GPHN: variants seen among roughly 807,000 people sequenced by gnomAD.
GPHN encodes gephyrin.
GPHN carries 17 observed loss-of-function variants against 95.5 expected under a neutral mutation model. The ratio of observed to expected loss-of-function variants is 0.18; its 90% confidence interval spans 0.12 to 0.27. GPHN has a LOEUF of 0.27. GPHN is among the 10% of genes least tolerant of loss of function. The pLI, the probability that GPHN is intolerant of heterozygous loss-of-function variation, is 1.00. For synonymous variants in GPHN, 320 were observed against 322.5 expected (o/e 0.99, Z 0.08); for missense variants, 660 against 978.1 (o/e 0.67, Z 4.34).
chr14:66,547,686 C>T (rs2059652276), intron 1 of GPHN, among the ~76,000 whole-genome samples: 1 of 152,198 alleles, frequency 6.6e-6, no homozygotes, highest in Non-Finnish European at 1.5e-5. Flanking sequence ...ATCAGTTCGT[C>T]TTAACAGACA....
intron 1 of GPHN, among the ~76,000 whole-genome samples, chr14:66,536,140 G>C (rs2059133743): frequency 1.3e-5 from 2 of 152,170 alleles, no homozygotes; most frequent in African/African-American, 2.4e-5. Context: ...TTTATAGAGA[G>C]AGGGCCTTGC....
chr14:66,623,617 CA>C (rs57810648), intron 1 of GPHN, among the ~76,000 whole-genome samples: 2,844 of 91,454 alleles, frequency 0.031, 23 homozygotes, highest in Middle Eastern at 0.049. Context: ...GACTCTGTTT[CA>C]AAAAAAAAAA....
the GPHN span, chr14:67,724,619 G>A: frequency 2.0e-6 from 3 of 1,509,770 alleles, no homozygotes; most frequent in Non-Finnish European, 2.8e-6. Context: ...AGTCTCCAAA[G>A]GGCCATGCCT....
At chr14:66,944,484 C>T (rs1288995473) in intron 8 of GPHN, among the ~76,000 whole-genome samples, 1 of 152,192 alleles carries the variant, frequency 6.6e-6, no homozygotes, top group Admixed American at 6.5e-5. Context: ...AGATTGGTTA[C>T]AGCTTAAGGC....
In GPHN at chr14:67,169,056, A is replaced by G; in HGVS notation, c.2079+20A>G. The G allele has an allele frequency of 6.9e-7, 1 of 1,447,532 alleles. No homozygotes were observed. Among genetic ancestry groups the G allele is most frequent in the Non-Finnish European group, 9.7e-7 (1 of 1,028,714 alleles). 89.7% of individuals were successfully genotyped at this position (1,447,532 alleles called of 1,614,324 possible). ...GCAAGGGTAATGCTTTCTAATGACCAGAAACCAAAATGGAAGCCTGGTAAC... is the reference window on the plus strand; with the variant it reads ...GCAAGGGTAATGCTTTCTAATGACCGGAAACCAAAATGGAAGCCTGGTAAC... On this transcript the variant is annotated intron_variant, in intron 21 of 22. Transcript: ENST00000478722.
chr14:67,200,092 G>A, the GPHN span: 1 of 1,012,476 alleles, frequency 9.9e-7, no homozygotes, highest in Non-Finnish European at 1.5e-6. Context: ...GCCTTATCCT[G>A]GACCTCCTCC....
rs79044412 is a variant in GPHN at position 67,100,885 on chromosome 14, A to T, written c.1267A>T (p.Ile423Phe). The change falls in exon 13 of 23, where the codon ATT (isoleucine) becomes TTT (phenylalanine). Residue 423 changes from isoleucine to phenylalanine, a missense_variant. Around this residue, in one of 6 missense-constraint regions of GPHN, gnomAD observed 257 missense variants for 376.2 expected, o/e 0.68. Transcript: ENST00000478722. ...TGATGGCCCAGGAGATCGTTTCATC[A>T]TTGGGGAATCCCAAGCTGGTGAACA... ...AADGPGDRFI[I>F]GESQAGEQPT... The T allele has an allele frequency of 1.2e-6, 2 of 1,607,564 alleles. No homozygotes were observed. The highest frequency in any genetic ancestry group is 1.7e-6 in the Non-Finnish European group (2 of 1,174,146).
the GPHN span, among the ~76,000 whole-genome samples, chr14:67,356,721 T>C: frequency 6.6e-6 from 1 of 152,166 alleles, no homozygotes; most frequent in Non-Finnish European, 1.5e-5. Context: ...ACCCCAAACA[T>C]GTGCCTCCCC....
At chr14:67,154,135 C>T (rs1307437030) in intron 18 of GPHN, among the ~76,000 whole-genome samples, 2 of 152,212 alleles carry the variant, frequency 1.3e-5, no homozygotes, top group Non-Finnish European at 2.9e-5. Flanking sequence ...TTATACCTCT[C>T]TCCTACTCAT....
intron 8 of GPHN, among the ~76,000 whole-genome samples, chr14:66,963,589 A>C (rs568646011): frequency 2.1e-4 from 32 of 152,232 alleles, no homozygotes; most frequent in Admixed American, 1.5e-3. Flanking sequence ...TCTTTTAAAT[A>C]CATGGCCTTT....
intron 9 of GPHN, among the ~76,000 whole-genome samples, chr14:66,994,276 G>C (rs925921261): frequency 6.6e-6 from 1 of 152,070 alleles, no homozygotes; most frequent in South Asian, 2.1e-4. Flanking sequence ...TGAAGCGAGA[G>C]AATTGCTTGA....
intron 8 of GPHN, among the ~76,000 whole-genome samples, chr14:66,924,976 G>A (rs1383909434): frequency 1.3e-4 from 20 of 152,146 alleles, no homozygotes; most frequent in Non-Finnish European, 1.3e-4. Flanking sequence ...TAATATGGAT[G>A]TAAAATGAGA....
chr14:67,117,017 A>C (rs762926468), intron 16 of GPHN, among the ~76,000 whole-genome samples: 6 of 152,222 alleles, frequency 3.9e-5, no homozygotes, highest in Non-Finnish European at 7.3e-5. Context: ...GGGTGTATCC[A>C]TAATAACAAG....
At chr14:67,094,539 C>T (rs1405390727) in intron 12 of GPHN, among the ~76,000 whole-genome samples, 4 of 152,146 alleles carry the variant, frequency 2.6e-5, no homozygotes, top group Non-Finnish European at 4.4e-5. Context: ...TTTCTAATGA[C>T]GTACTGTGGT....
chr14:66,832,107 A>G (rs2061603101), intron 4 of GPHN, among the ~76,000 whole-genome samples: 1 of 152,220 alleles, frequency 6.6e-6, no homozygotes, highest in Non-Finnish European at 1.5e-5. Flanking sequence ...AGATGGGGCC[A>G]CTGCATTCCA....
At chr14:66,783,436 C>G (rs1457366514) in intron 3 of GPHN, among the ~76,000 whole-genome samples, 3 of 152,162 alleles carry the variant, frequency 2.0e-5, no homozygotes, top group African/African-American at 7.2e-5. Context: ...GTTTTCCCAG[C>G]AGGGTAGTGT....
At chr14:67,383,529 A>G in the GPHN span, 1 of 1,546,262 alleles carries the variant, frequency 6.5e-7, no homozygotes, top group Non-Finnish European at 8.8e-7. Context: ...CAGTATTGAA[A>G]ACTTCAAAGC....
the GPHN span, among the ~76,000 whole-genome samples, chr14:67,361,757 T>G: frequency 6.6e-6 from 1 of 152,224 alleles, no homozygotes; most frequent in East Asian, 1.9e-4. Flanking sequence ...CATAAGAGTA[T>G]TATAGCATGT....
chr14:66,840,736 CA>C (rs553788734), intron 4 of GPHN, among the ~76,000 whole-genome samples: 28,103 of 81,126 alleles, frequency 0.35, 4,431 homozygotes, highest in African/African-American at 0.53. Context: ...GCAGGCCATA[CA>C]AAAAAAAAAA....
Sources: gnomAD v4.1 joint callset for allele counts (sites outside exome capture counted in the v4.1 genomes callset) on GRCh38, gnomAD v4.1.1 for gene constraint, gnomAD v4.1.1 regional missense constraint, MANE v1.5 for transcripts, NCBI Gene and HGNC (gene_info 2026-07-23, HGNC 2026-07-21) for gene names.